Variants in ARSH observed in about 807,000 individuals in gnomAD.
ARSH encodes arylsulfatase family member H.
In ARSH, 32 loss-of-function variants were observed where a neutral mutation model predicts 28.7. That is an observed-to-expected ratio of 1.11 (90% CI 0.84 to 1.50). ARSH has a LOEUF of 1.50. Among genes scored for constraint, ARSH ranks in the 40% most tolerant of loss-of-function variants. The probability of loss-of-function intolerance (pLI) is 0.00; values close to 1 mark genes in which losing one functional copy is unlikely to be tolerated. For missense variants in ARSH, 440 were observed against 452.4 expected (o/e 0.97, Z 0.25); for synonymous variants, 176 against 177.3 (o/e 0.99, Z 0.06).
chrX:3,027,686 C>T (rs1375029529), intron 7 of ARSH, among the ~76,000 whole-genome samples: 1 of 112,211 alleles, frequency 8.9e-6, no homozygotes, highest in Non-Finnish European at 1.9e-5. Context: ...TGTCATATTA[C>T]ACTTATGCCT....
At chrX:3,015,444 T>C in intron 4 of ARSH, 51 bp downstream of exon 4, 1 of 1,119,983 alleles carries the variant, frequency 8.9e-7, no homozygotes, top group Non-Finnish European at 1.2e-6. Context: ...TTATTTTTAT[T>C]TCATAGGAGG....
chrX:3,019,308 AT>A (rs2089875049), intron 5 of ARSH, among the ~76,000 whole-genome samples: 1 of 109,765 alleles, frequency 9.1e-6, no homozygotes, highest in Non-Finnish European at 1.9e-5. Context: ...TCAATTCCCA[AT>A]TATTTTGATG....
At chrX:3,009,533 G>A (rs1235702926) in intron 1 of ARSH, among the ~76,000 whole-genome samples, 1 of 110,373 alleles carries the variant, frequency 9.1e-6, no homozygotes, top group East Asian at 2.8e-4. Context: ...GCGCACACCT[G>A]TGGACCTAGC....
chrX:3,028,773 A>T (rs2089905465), intron 7 of ARSH, among the ~76,000 whole-genome samples: 1 of 111,181 alleles, frequency 9.0e-6, no homozygotes, highest in South Asian at 3.9e-4. Context: ...AGGGAAAAGG[A>T]GAAAGTTTTA....
chrX:3,008,497 CTTTCTTTCT>C (rs1467238139), intron 1 of ARSH, among the ~76,000 whole-genome samples: 2 of 97,095 alleles, frequency 2.1e-5, no homozygotes, highest in African/African-American at 3.8e-5. Flanking sequence ...TTCTTTCTTT[CTTTCTTTCT>C]TTCTTTCTTC....
chrX:3,032,926 T>C, intron 8 of ARSH, 92 bp from the exon 9 acceptor site: 1 of 982,057 alleles, frequency 1.0e-6, no homozygotes, highest in Non-Finnish European at 1.4e-6. Context: ...TATCAATCAC[T>C]AGAAAAAGCT....
intron 8 of ARSH, among the ~76,000 whole-genome samples, chrX:3,030,404 ATAG>A (rs774464936): frequency 6.1e-4 from 68 of 111,620 alleles, no homozygotes; most frequent in African/African-American, 2.0e-3. Flanking sequence ...GGATGCTTGC[ATAG>A]GTAGGGTGTG....
At chrX:3,006,876 C>T (rs764884705) in intron 1 of ARSH, among the ~76,000 whole-genome samples, 172 bp downstream of exon 1, 16 of 111,174 alleles carry the variant, frequency 1.4e-4, no homozygotes, top group African/African-American at 5.2e-4. Flanking sequence ...GACCACTTAA[C>T]CTCCCAGTTT....
rs867034876 is a variant in ARSH at position 3,025,337 on chromosome X, A to G, written c.1036+1182A>G. Among the ~76,000 whole-genome samples, 56 of 105,673 alleles carry G rather than the reference A, an allele frequency of 5.3e-4. No individual in the cohort carries two copies. In the Middle Eastern group the frequency reaches 0.017, roughly 31 times the overall value. The allele number at this position is 105,673 out of a possible 115,157, so 91.8% of individuals were successfully genotyped here. A position where few individuals can be genotyped will look rare whatever the true frequency, so the allele number is the denominator to read the frequency against. ...ACACACATAATTCTATATATTTACT[A>G]TATTTATTGTATAGATCATTATATA... On this transcript the variant is annotated intron_variant, in intron 6 of 8. Coordinates refer to ENST00000381130, the MANE Select transcript of ARSH (RefSeq NM_001011719.2).
At chrX:3,027,035 A>G (rs2089900587) in intron 6 of ARSH, among the ~76,000 whole-genome samples, 1 of 109,876 alleles carries the variant, frequency 9.1e-6, no homozygotes, top group Non-Finnish European at 1.9e-5. Context: ...TCGGCTCACC[A>G]CAACCTTCGC....
chrX:3,021,930 T>TGAA (rs202153796), intron 5 of ARSH, among the ~76,000 whole-genome samples: 2,409 of 107,811 alleles, frequency 0.022, 25 homozygotes, highest in Middle Eastern at 0.043. Flanking sequence ...TGTTTTGTAG[T>TGAA]GGAGTTTTGC....
chrX:3,016,390 T>G (rs5939406), intron 4 of ARSH, among the ~76,000 whole-genome samples: 4 of 109,144 alleles, frequency 3.7e-5, no homozygotes, highest in African/African-American at 1.3e-4. Context: ...TGATTAAACC[T>G]GGGGGGTAAA....
At chrX:3,027,512 A>G (rs1315004213) in intron 7 of ARSH, 37 bp downstream of exon 7, 1 of 1,151,902 alleles carries the variant, frequency 8.7e-7, no homozygotes, top group African/African-American at 1.8e-5. Context: ...CTAGGGTGAT[A>G]TATTTGAACA....
At chrX:3,020,996 G>T (rs2089882314) in intron 5 of ARSH, among the ~76,000 whole-genome samples, 1 of 111,188 alleles carries the variant, frequency 9.0e-6, no homozygotes, top group Non-Finnish European at 1.9e-5. Flanking sequence ...GTATACACAA[G>T]TTATGTTTTA....
rs952323447 is a variant in ARSH at position 3,021,473 on chromosome X, T to C, written c.902-2548T>C. ...AAATTCTACCAAAATAAAGACATAT[T>C]GAAAGTCAGACAGGTATCTCTGTGG... is the stretch of plus-strand genomic sequence containing the variant. On this transcript the variant is annotated intron_variant, in intron 5 of 8. Coordinates refer to ENST00000381130, the MANE Select transcript of ARSH (RefSeq NM_001011719.2). 4.3e-4 allele frequency among the ~76,000 whole-genome samples: 48 copies of C among 111,556 alleles called. 1 individual carries two copies. The highest frequency in any genetic ancestry group is 1.4e-3 in the African/African-American group (43 of 30,788).
At chrX:3,017,023 G>A (rs1004326191) in intron 4 of ARSH, among the ~76,000 whole-genome samples, 1 of 110,537 alleles carries the variant, frequency 9.0e-6, no homozygotes, top group South Asian at 3.9e-4. Context: ...GGTATGCAGT[G>A]GAATATCATT....
At chrX:3,018,250 C>T (rs1443576902) in intron 4 of ARSH, among the ~76,000 whole-genome samples, 1 of 111,971 alleles carries the variant, frequency 8.9e-6, no homozygotes, top group Non-Finnish European at 1.9e-5. Context: ...GCTCCTGCCT[C>T]AGCCTCCCAA....
intron 6 of ARSH, among the ~76,000 whole-genome samples, chrX:3,025,758 A>AT (rs2089897290): frequency 9.1e-6 from 1 of 110,441 alleles, no homozygotes; most frequent in Non-Finnish European, 1.9e-5. Flanking sequence ...CACCATATAT[A>AT]TGCCATCTAA....
chrX:3,007,733 G>A (rs1219345055), intron 1 of ARSH, among the ~76,000 whole-genome samples: 1 of 106,908 alleles, frequency 9.4e-6, no homozygotes, highest in Non-Finnish European at 1.9e-5. Flanking sequence ...CATAGACTGG[G>A]TGGCTTAGAA....
Sources: allele counts gnomAD v4.1 joint callset (sites outside exome capture counted in the v4.1 genomes callset), GRCh38; gene constraint gnomAD v4.1.1; transcripts MANE v1.5; gene names NCBI Gene and HGNC (gene_info 2026-07-23, HGNC 2026-07-21).